MACROD2: variants seen among roughly 807,000 people sequenced by gnomAD.
The protein encoded by MACROD2 is ADP-ribose glycohydrolase MACROD2.
A neutral mutation model predicts 70.4 loss-of-function variants in MACROD2; 36 were observed. The ratio of observed to expected loss-of-function variants is 0.51; its 90% CI spans 0.39 to 0.68. The LOEUF (loss-of-function observed/expected upper bound fraction) is 0.68, where lower values mean the gene tolerates loss of function less well. Ranked by LOEUF, MACROD2 falls within the 30% of genes least tolerant of loss-of-function variation. The pLI is 0.00. For missense variants in MACROD2, 496 were observed against 538.4 expected (o/e 0.92, Z 0.78); for synonymous variants, 172 against 178.8 (o/e 0.96, Z 0.30).
chr20:14,676,803 AATAG>A (rs1233176318), intron 4 of MACROD2, among the ~76,000 whole-genome samples: 4 of 152,144 alleles, frequency 2.6e-5, no homozygotes, highest in South Asian at 2.1e-4. Flanking sequence ...AGATTAACAA[AATAG>A]ATAGACCACT....
At chr20:14,296,281 C>T (rs115370958) in intron 3 of MACROD2, among the ~76,000 whole-genome samples, 2,308 of 151,930 alleles carry the variant, frequency 0.015, 94 homozygotes, top group African/African-American at 0.053. Flanking sequence ...AAAGATTCAG[C>T]AATTCTATCC....
chr20:14,894,852 G>A (rs1231003799), intron 5 of MACROD2: 1 of 152,062 alleles, frequency 6.6e-6, no homozygotes, highest in Non-Finnish European at 1.5e-5. Flanking sequence ...TCAGGGACAA[G>A]GGGAGCATGT....
At chr20:14,126,674 T>C (rs1601252977) in intron 3 of MACROD2, among the ~76,000 whole-genome samples, 1 of 152,352 alleles carries the variant, frequency 6.6e-6, no homozygotes, top group African/African-American at 2.4e-5. Flanking sequence ...TTAAAACATT[T>C]TCAATTATTA....
At chr20:15,816,332 C>T (rs1019177336) in intron 8 of MACROD2, among the ~76,000 whole-genome samples, 11 of 152,100 alleles carry the variant, frequency 7.2e-5, no homozygotes, top group African/African-American at 2.7e-4. Context: ...GCTAGGTCAA[C>T]TCCATCGAAC....
chr20:15,844,148 C>G (rs371339427), intron 8 of MACROD2, among the ~76,000 whole-genome samples: 1 of 151,852 alleles, frequency 6.6e-6, no homozygotes, highest in Non-Finnish European at 1.5e-5. Context: ...GCTGCTGTTG[C>G]CAATAAAGGG....
At chr20:15,072,012 T>C (rs1008235356) in intron 5 of MACROD2, among the ~76,000 whole-genome samples, 3 of 152,156 alleles carry the variant, frequency 2.0e-5, no homozygotes, top group African/African-American at 7.2e-5. Flanking sequence ...AAAAACATAA[T>C]GTAAGATTTC....
intron 5 of MACROD2, among the ~76,000 whole-genome samples, chr20:14,882,717 G>A (rs955278404): frequency 2.6e-5 from 4 of 152,168 alleles, no homozygotes; most frequent in Admixed American, 1.3e-4. Flanking sequence ...ATAGATCAGA[G>A]TACGGCATTG....
chr20:15,657,941 C>T lies in MACROD2; in HGVS notation c.645+158094C>T, dbSNP rs187882315. ...CCAGGAGGCAGATGTTACCGTGAGCCGAGACTGAGCCATTGCACTCCAGCC... is the reference window on the plus strand; with the variant it reads ...CCAGGAGGCAGATGTTACCGTGAGCTGAGACTGAGCCATTGCACTCCAGCC... On this transcript the variant is annotated intron_variant, in intron 8 of 17. Coordinates refer to ENST00000684519, the MANE Select transcript of MACROD2 (RefSeq NM_001351661.2). Among the ~76,000 whole-genome samples, 491 of 152,180 alleles carry T rather than the reference C, an allele frequency of 3.2e-3. 2 individuals are homozygous for T. Among genetic ancestry groups the T allele is most frequent in the Admixed American group, 4.6e-3 (71 of 15,274 alleles).
chr20:15,996,026 G>A (rs746457833), intron 15 of MACROD2, among the ~76,000 whole-genome samples: 2 of 152,114 alleles, frequency 1.3e-5, no homozygotes, highest in Non-Finnish European at 2.9e-5. Flanking sequence ...GTAACCAGAA[G>A]TGGGATGGCT....
Position 15,219,555 on chromosome 20 carries a change from G to C in MACROD2, c.419-10385G>C, listed in dbSNP as rs866207184. ...AAATTTTCACATATTCTTTTGGCTA[G>C]AAGTTATGTTAATGTAATTCTTGAA... On this transcript the variant is annotated intron_variant, in intron 5 of 17. Transcript: ENST00000684519. Among the ~76,000 whole-genome samples, 24 of 152,270 alleles carry C rather than the reference G, an allele frequency of 1.6e-4. No individual in the cohort carries two copies. In the Middle Eastern group the frequency reaches 0.01, roughly 65 times the overall value.
At chr20:14,012,524 T>C (rs1026966757) in intron 2 of MACROD2, among the ~76,000 whole-genome samples, 24 of 152,226 alleles carry the variant, frequency 1.6e-4, no homozygotes, top group Admixed American at 5.9e-4. Context: ...ATAATGACTC[T>C]TAGGCTGGAT....
In MACROD2 at chr20:14,721,429, CTCAAGGA is replaced by C. The variant is rs1026421794; in HGVS notation, c.418+36471_418+36477del. Among the ~76,000 whole-genome samples, 21 of 152,124 alleles carry C rather than the reference CTCAAGGA, an allele frequency of 1.4e-4. No individual in the cohort carries two copies. The East Asian group carries it at 4.1e-3, about 29-fold the overall frequency. On this transcript the variant is annotated intron_variant, in intron 5 of 17. Transcript: ENST00000684519. ...AATGAACCAGAAAACCCCCACAAAACTCAAGGAGTTAATTTACATTTAGACCAATCTA... is the reference window on the plus strand; with the variant it reads ...AATGAACCAGAAAACCCCCACAAAACGTTAATTTACATTTAGACCAATCTA...
At chr20:15,770,358 T>A (rs1382270893) in intron 8 of MACROD2, among the ~76,000 whole-genome samples, 1 of 152,098 alleles carries the variant, frequency 6.6e-6, no homozygotes, top group Non-Finnish European at 1.5e-5. Context: ...GACATAAAGA[T>A]CGTTGAATCA....
intron 4 of MACROD2, among the ~76,000 whole-genome samples, chr20:14,601,763 G>T (rs191217050): frequency 6.6e-6 from 1 of 152,100 alleles, no homozygotes; most frequent in East Asian, 1.9e-4. Flanking sequence ...ACCTCTTCTG[G>T]TGTCTAGGTC....
chr20:16,007,377 G>GAAGA (rs2066803397), intron 15 of MACROD2, among the ~76,000 whole-genome samples: 1 of 152,162 alleles, frequency 6.6e-6, no homozygotes, highest in Non-Finnish European at 1.5e-5. Flanking sequence ...GTAAGACTTA[G>GAAGA]AAGAAAGAAA....
intron 6 of MACROD2, among the ~76,000 whole-genome samples, chr20:15,293,338 GT>G (rs1490462890): frequency 6.6e-6 from 1 of 152,174 alleles, no homozygotes; most frequent in East Asian, 1.9e-4. Context: ...AATGAATTAA[GT>G]TTTAGAATAT....
chr20:14,287,470 G>T (rs1287761631), intron 3 of MACROD2, among the ~76,000 whole-genome samples: 2 of 151,984 alleles, frequency 1.3e-5, no homozygotes, highest in Non-Finnish European at 2.9e-5. Flanking sequence ...TATATATTTG[G>T]CACTGAGTTA....
chr20:15,321,839 CT>C (rs1248669876), intron 6 of MACROD2, among the ~76,000 whole-genome samples: 1 of 144,250 alleles, frequency 6.9e-6, no homozygotes, highest in African/African-American at 2.5e-5. Flanking sequence ...GTTGCCCAGG[CT>C]GGAGTGCAGT....
At chr20:14,451,190 G>A (rs368929579) in intron 3 of MACROD2, among the ~76,000 whole-genome samples, 2 of 151,898 alleles carry the variant, frequency 1.3e-5, no homozygotes, top group African/African-American at 4.8e-5. Flanking sequence ...ACCTATAATC[G>A]CAGCACTTTG....
Sources: gnomAD v4.1 joint callset for allele counts (sites outside exome capture counted in the v4.1 genomes callset) on GRCh38, gnomAD v4.1.1 for gene constraint, MANE v1.5 for transcripts, NCBI Gene and HGNC (gene_info 2026-07-23, HGNC 2026-07-21) for gene names.